The following CD207 variants were observed in gnomAD, a reference collection of about 807,000 sequenced individuals.
CD207 encodes CD207 molecule.
CD207 carries 28 observed loss-of-function variants against 31.6 expected under a neutral mutation model. That is an observed-to-expected ratio of 0.89 (90% CI 0.66 to 1.21). The LOEUF is 1.21. Among genes scored for constraint, CD207 ranks in the 50% most tolerant of loss-of-function variants. The pLI, the probability that CD207 is intolerant of heterozygous loss-of-function variation, is 0.00. For synonymous variants in CD207, 168 were observed against 153.9 expected, an observed-to-expected ratio of 1.09 and a Z score of -0.68; for missense variants, 388 against 397.8, an observed-to-expected ratio of 0.98 and a Z score of 0.21.
At chr2:70,835,404 G>T in intron 2 of CD207, 87 bp downstream of exon 2, 1 of 889,992 alleles carries the variant, frequency 1.1e-6, no homozygotes, top group East Asian at 2.6e-5. Flanking sequence ...GGAGAAACCC[G>T]GAGAGCAGGG....
chr2:70,832,457 A>G (rs781878319), intron 4 of CD207, among the ~76,000 whole-genome samples: 3 of 152,192 alleles, frequency 2.0e-5, no homozygotes, highest in Non-Finnish European at 4.4e-5. Context: ...CTGTTCACAA[A>G]TATTTCTTTT....
Position 70,835,697 on chromosome 2 carries a change from G to A in CD207, c.73+7C>T. The A allele has an allele frequency of 6.2e-7, 1 of 1,613,410 alleles. No homozygotes were observed. The highest frequency in any genetic ancestry group is 1.1e-5 in the South Asian group (1 of 90,966). ...CGGAGCAGGTTCTCAGCAGCGATGT[G>A]GCTTGCCTCGGGGCCAGAGGGAGAT... On this transcript the variant is annotated splice_region_variant and intron_variant, in intron 1 of 5. Coordinates refer to ENST00000410009, the MANE Select transcript of CD207 (RefSeq NM_015717.5).
At chr2:70,831,845 G>T in intron 4 of CD207, 26 bp from the exon 5 acceptor site, 1 of 1,428,618 alleles carries the variant, frequency 7.0e-7, no homozygotes, top group Non-Finnish European at 9.9e-7. Flanking sequence ...GATAAGCAGA[G>T]GTGCGGCCAC....
Position 70,835,718 on chromosome 2 carries a change from G to A in CD207, c.59C>T (p.Ser20Phe). The A allele has an allele frequency of 1.2e-6, 2 of 1,613,402 alleles. No homozygotes were observed. Among genetic ancestry groups the A allele is most frequent in the Non-Finnish European group, 8.5e-7 (1 of 1,179,664 alleles). ...ATGTGGCTTGCCTCGGGGCCAGAGG[G>A]AGATGTTCTGTTTGTCCACAGTGAA... ...AHFTVDKQNI[S>F]LWPREPPPKS... The change falls in exon 1 of 6, where the codon TCC becomes TTC. Residue 20 changes from serine (S) to phenylalanine (F), a missense_variant. Transcript: ENST00000410009.
At chr2:70,825,538 G>GTT (rs71398931), downstream of CD207, among the ~76,000 whole-genome samples, 2,276 of 150,158 alleles carry the variant, frequency 0.015, 69 homozygotes, top group African/African-American at 0.052. Flanking sequence ...ATAATATAAA[G>GTT]TTTTTAAAAA....
At position 70,835,546 on chromosome 2, in the gene CD207, T is replaced by A; in HGVS notation, c.135A>T (p.Ala45=). Reference sequence around the variant, plus strand: ...CCAGGACCAGCGTCAGGCAGATTAATGCAGCACGGACTGTGGGTGTTTTCC... The same window carrying A: ...CCAGGACCAGCGTCAGGCAGATTAAAGCAGCACGGACTGTGGGTGTTTTCC... ...VPGKTPTVRA[A]LICLTLVLVA... The change falls in exon 2 of 6, where the codon GCA becomes GCT. Residue 45 remains alanine, a synonymous_variant. Transcript: ENST00000410009. 6.2e-7 allele frequency: 1 copy of A among 1,613,970 alleles called. No homozygotes were observed. The highest frequency in any genetic ancestry group is 1.7e-5 in the Admixed American group (1 of 60,032).
At chr2:70,825,751 G>T (rs1197534000), downstream of CD207, among the ~76,000 whole-genome samples, 1 of 151,958 alleles carries the variant, frequency 6.6e-6, no homozygotes, top group Non-Finnish European at 1.5e-5. Flanking sequence ...ATGTTGCCCA[G>T]GCTGGCCTCA....
downstream of CD207, among the ~76,000 whole-genome samples, chr2:70,829,466 GA>G (rs1677417197): frequency 6.6e-6 from 1 of 152,214 alleles, no homozygotes; most frequent in African/African-American, 2.4e-5. Context: ...CCTGTAGGAG[GA>G]TGTGATTGGC....
chr2:70,835,690 G>C lies in CD207; in HGVS notation c.73+14C>G, dbSNP rs781955560. The C allele has an allele frequency of 1.2e-6, 2 of 1,613,324 alleles. No homozygotes were observed. The highest frequency in any genetic ancestry group is 1.7e-6 in the Non-Finnish European group (2 of 1,179,416). On this transcript the variant is annotated intron_variant, in intron 1 of 5. Transcript: ENST00000410009. ...CAGAACACGGAGCAGGTTCTCAGCA[G>C]CGATGTGGCTTGCCTCGGGGCCAGA... is the stretch of plus-strand genomic sequence containing the variant.
rs1341324351 is a variant in CD207 at position 70,830,825 on chromosome 2, C to T, written c.*225G>A. 6.0e-6 allele frequency: 3 copies of T among 499,952 alleles called. No individual in the cohort carries two copies. Among genetic ancestry groups the T allele is most frequent in the East Asian group, 6.4e-5 (2 of 31,112 alleles). 31.0% of individuals were successfully genotyped at this position (499,952 alleles called of 1,614,324 possible). A position where few individuals can be genotyped will look rare whatever the true frequency, so the allele number is the denominator to read the frequency against. ...TTGGAACTTCTAAATCCTCTCTACC[C>T]ACCCCTCCCACTTTAACCTGAATTC... On this transcript the variant is annotated 3_prime_UTR_variant, in exon 6 of 6. Transcript: ENST00000410009.
the CD207 span, among the ~76,000 whole-genome samples, chr2:70,824,336 C>G: frequency 3.9e-5 from 6 of 152,160 alleles, no homozygotes; most frequent in East Asian, 9.7e-4. Context: ...TGCCTCTCCT[C>G]TTACCCCCTC....
At chr2:70,831,589 GAC>G in intron 5 of CD207, 110 bp downstream of exon 5, 1 of 756,768 alleles carries the variant, frequency 1.3e-6, no homozygotes, top group Non-Finnish European at 2.4e-6. Context: ...GTCACTCTAA[GAC>G]AGGGAAGAAT....
chr2:70,832,678 G>C (rs143527696), intron 4 of CD207, among the ~76,000 whole-genome samples: 22 of 152,312 alleles, frequency 1.4e-4, no homozygotes, highest in African/African-American at 5.3e-4. Context: ...AGCAATTGTG[G>C]AGACATATTA....
chr2:70,835,411 A>G (rs1677588539), intron 2 of CD207, 80 bp downstream of exon 2: 1 of 930,992 alleles, frequency 1.1e-6, no homozygotes, highest in Admixed American at 1.9e-5. Context: ...CCCGGAGAGC[A>G]GGGAAGTGGT....
chr2:70,831,634 C>G (rs55947556), intron 5 of CD207, 67 bp downstream of exon 5: 21,788 of 928,948 alleles, frequency 0.023, 336 homozygotes, highest in South Asian at 0.028. Flanking sequence ...ACATCGCCCC[C>G]ACTCCCTTCA....
chr2:70,835,601 G>A lies in CD207; in HGVS notation c.80C>T (p.Pro27Leu). ...GACCAGAGATGGACCGGACTTGGGA[G>A]GAGGCTCTGTTGGAAGAAGAAGAAA... ...QNISLWPREP[P>L]PKSGPSLVPG... is the part of the protein sequence containing the mutation. Residue 27 changes from proline (P) to leucine (L), a missense_variant, in exon 2 of 6, where the codon CCT (proline) becomes CTT (leucine). Pro to Leu is a moderately conservative substitution (Grantham distance 98, BLOSUM62 -3). Coordinates refer to ENST00000410009, the MANE Select transcript of CD207 (RefSeq NM_015717.5). The A allele has an allele frequency of 1.2e-6, 2 of 1,613,836 alleles. No individual in the cohort carries two copies. The highest frequency in any genetic ancestry group is 8.5e-7 in the Non-Finnish European group (1 of 1,179,700).
chr2:70,833,074 G>T, intron 3 of CD207, 23 bp from the exon 4 acceptor site: 1 of 1,613,178 alleles, frequency 6.2e-7, no homozygotes, highest in South Asian at 1.1e-5. Flanking sequence ...AGGTAAAAGT[G>T]AACGCTGGTA....
chr2:70,830,852 C>A lies in CD207; in HGVS notation c.*198G>T. ...CCCCTCCCACTTTAACCTGAATTCT[C>A]CTTTCCATTCCAGCTGCCTCCAAGA... On this transcript the variant is annotated 3_prime_UTR_variant, in exon 6 of 6. Transcript: ENST00000410009. 4 of 525,664 alleles carry A rather than the reference C, an allele frequency of 7.6e-6. No homozygotes were observed. Among genetic ancestry groups the A allele is most frequent in the Non-Finnish European group, 1.0e-5 (3 of 296,226 alleles). 32.6% of individuals were successfully genotyped at this position (525,664 alleles called of 1,614,324 possible). A position where few individuals can be genotyped will look rare whatever the true frequency, so the allele number is the denominator to read the frequency against.
At chr2:70,834,776 G>A (rs530093402) in intron 2 of CD207, among the ~76,000 whole-genome samples, 2 of 152,096 alleles carry the variant, frequency 1.3e-5, no homozygotes, top group East Asian at 1.9e-4. Flanking sequence ...AATATGTCCC[G>A]AGGCCACAGA....
Sources: allele counts gnomAD v4.1 joint callset (sites outside exome capture counted in the v4.1 genomes callset), GRCh38; gene constraint gnomAD v4.1.1; transcripts MANE v1.5; gene names NCBI Gene and HGNC (gene_info 2026-07-23, HGNC 2026-07-21).